Variants in LAMA3 observed in about 807,000 individuals in gnomAD.
LAMA3 encodes the protein laminin subunit alpha 3.
Under a neutral mutation model 402.0 loss-of-function variants are expected in LAMA3, and 281 were observed. The ratio of observed to expected loss-of-function variants is 0.70; its 90% CI spans 0.63 to 0.77. LAMA3 has a LOEUF of 0.77. Ranked by LOEUF, LAMA3 falls within the 30% of genes least tolerant of loss-of-function variation. LAMA3 has a pLI of 0.00. For synonymous variants in LAMA3, 1,431 were observed against 1,558.4 expected, an observed-to-expected ratio of 0.92 and a Z score of 1.93; for missense variants, 3,840 against 4,215.5, an observed-to-expected ratio of 0.91 and a Z score of 2.47.
intron 1 of LAMA3, among the ~76,000 whole-genome samples, chr18:23,713,161 A>C (rs991375696): frequency 1.3e-5 from 2 of 152,204 alleles, no homozygotes; most frequent in Non-Finnish European, 2.9e-5. Flanking sequence ...TACTTACTGA[A>C]TTAATACTGA....
In LAMA3 at chr18:23,836,766, C is replaced by T. The variant is rs7228543; in HGVS notation, c.2985-215C>T. 0.15 allele frequency among the ~76,000 whole-genome samples: 22,634 copies of T among 152,118 alleles called. 3,672 individuals are homozygous for T. The highest frequency in any genetic ancestry group is 0.39 in the African/African-American group (16,168 of 41,442). On this transcript the variant is annotated intron_variant, in intron 24 of 74. Transcript: ENST00000313654. The stretch of plus-strand genomic sequence containing the variant: ...AGAAAAACTGAATGGGGCCTTTAGC[C>T]CTGAGAGGTACAACACTGGCCACGG...
At chr18:23,805,533 A>T (rs999252737) in intron 12 of LAMA3, among the ~76,000 whole-genome samples, 15 of 152,178 alleles carry the variant, frequency 9.9e-5, no homozygotes, top group Admixed American at 9.2e-4. Context: ...GTTGCTGAGG[A>T]TGTATATTCC....
intron 62 of LAMA3, among the ~76,000 whole-genome samples, chr18:23,926,101 T>G (rs1222887629): frequency 6.6e-6 from 1 of 152,224 alleles, no homozygotes; most frequent in Non-Finnish European, 1.5e-5. Context: ...GGTCAGCACA[T>G]GGTCAGTGCT....
intron 39 of LAMA3, among the ~76,000 whole-genome samples, chr18:23,880,087 C>G (rs2064846981): frequency 6.6e-6 from 1 of 152,208 alleles, no homozygotes; most frequent in Admixed American, 6.5e-5. Flanking sequence ...AGAGTCAGGG[C>G]AGCTGAAGAC....
chr18:23,739,703 G>T (rs886243416), intron 2 of LAMA3, among the ~76,000 whole-genome samples: 1 of 152,226 alleles, frequency 6.6e-6, no homozygotes, highest in Admixed American at 6.5e-5. Flanking sequence ...GAGTGTTATG[G>T]AGGGTATGAA....
intron 3 of LAMA3, among the ~76,000 whole-genome samples, chr18:23,749,142 T>G (rs1056962585): frequency 5.3e-5 from 8 of 152,200 alleles, no homozygotes; most frequent in African/African-American, 1.9e-4. Flanking sequence ...ATAAAGGCAT[T>G]GGGTTTTCCA....
At chr18:23,728,936 C>A (rs1165471395) in intron 2 of LAMA3, among the ~76,000 whole-genome samples, 2 of 148,702 alleles carry the variant, frequency 1.3e-5, no homozygotes. Context: ...AAGGCTGAGA[C>A]GGGGTAATCG....
At chr18:23,951,660 T>G in intron 72 of LAMA3, 24 bp from the exon 73 acceptor site, 1 of 1,601,084 alleles carries the variant, frequency 6.2e-7, no homozygotes, top group Non-Finnish European at 8.6e-7. Flanking sequence ...CTGAAGGAAA[T>G]AGGAAAATGC....
At chr18:23,774,326 T>C (rs977603718) in intron 9 of LAMA3, among the ~76,000 whole-genome samples, 2 of 152,238 alleles carry the variant, frequency 1.3e-5, no homozygotes, top group Non-Finnish European at 2.9e-5. Flanking sequence ...ATTTGTTGAG[T>C]ACTTGCCATA....
intron 2 of LAMA3, among the ~76,000 whole-genome samples, chr18:23,719,309 C>A (rs530935830): frequency 2.0e-5 from 3 of 152,246 alleles, no homozygotes; most frequent in South Asian, 4.2e-4. Flanking sequence ...GCCTGGGCAA[C>A]TCAGTGAGAC....
chr18:23,871,473 G>A lies in LAMA3; in HGVS notation c.4810G>A (p.Glu1604Lys). The change falls in exon 38 of 75, where the codon GAG becomes AAG. Residue 1604 changes from glutamate to lysine, a missense_variant. Physicochemically the swap from Glu to Lys is moderately conservative, Grantham distance 56. Around this residue, in one of 3 missense-constraint regions of LAMA3, gnomAD observed 2,109 missense variants for 2,376.0 expected, o/e 0.89. Coordinates refer to ENST00000313654, the MANE Select transcript of LAMA3 (RefSeq NM_198129.4). ...CAGCAGCCGTGCCCCAGTGTCTAGGGAGGAGCTGATGACAGTGCTGTCTAG... is the reference window on the plus strand; with the variant it reads ...CAGCAGCCGTGCCCCAGTGTCTAGGAAGGAGCTGATGACAGTGCTGTCTAG... ...HASSRAPVSR[E>K]ELMTVLSRLA... 6.2e-7 allele frequency: 1 copy of A among 1,614,074 alleles called. No homozygotes were observed. Among genetic ancestry groups the A allele is most frequent in the Non-Finnish European group, 8.5e-7 (1 of 1,180,012 alleles).
At chr18:23,724,610 A>T (rs1331433964) in intron 2 of LAMA3, among the ~76,000 whole-genome samples, 2 of 152,212 alleles carry the variant, frequency 1.3e-5, no homozygotes, top group East Asian at 1.9e-4. Context: ...TTGATTTTTT[A>T]AAAAAGAGCA....
chr18:23,908,585 A>G lies in LAMA3; in HGVS notation c.7016-568A>G, dbSNP rs75082715. Among the ~76,000 whole-genome samples, 676 of 151,708 alleles carry G rather than the reference A, an allele frequency of 4.5e-3. 4 individuals carry two copies. Among genetic ancestry groups the G allele is most frequent in the African/African-American group, 0.016 (646 of 41,440 alleles). ...AAGAAAGAAAAAGAATCAGAAAACAAAGGTTTTTTTTTTTCTTTCTGTAGT... is the reference window on the plus strand; with the variant it reads ...AAGAAAGAAAAAGAATCAGAAAACAGAGGTTTTTTTTTTTCTTTCTGTAGT... On this transcript the variant is annotated intron_variant, in intron 54 of 74. Transcript: ENST00000313654.
chr18:23,933,976 G>A (rs1300986427), intron 67 of LAMA3, 41 bp downstream of exon 67: 29 of 1,601,522 alleles, frequency 1.8e-5, no homozygotes, highest in Non-Finnish European at 2.4e-5. Flanking sequence ...CTCTTCCCTG[G>A]AGGATTCCCC....
At chr18:23,837,580 T>TATCTGTTATTAATCAG (rs957133263) in intron 25 of LAMA3, among the ~76,000 whole-genome samples, 1 of 141,720 alleles carries the variant, frequency 7.1e-6, no homozygotes, top group Non-Finnish European at 1.5e-5. Flanking sequence ...GATATATATA[T>TATCTGTTATTAATCAG]ATATATATAT....
At chr18:23,928,045 AGAGCACAGC>A in intron 62 of LAMA3, 69 bp from the exon 63 acceptor site, 1 of 998,834 alleles carries the variant, frequency 1.0e-6, no homozygotes, top group Non-Finnish European at 1.6e-6. Context: ...AAAGTACTAA[AGAGCACAGC>A]GTTTCAGCTC....
chr18:23,894,178 A>G (rs1284307945), intron 42 of LAMA3, 120 bp from the exon 43 acceptor site: 1 of 787,232 alleles, frequency 1.3e-6, no homozygotes, highest in Non-Finnish European at 2.2e-6. Flanking sequence ...GAAAACCACA[A>G]TTACTTTTGC....
At chr18:23,707,564 C>T (rs559132683) in intron 1 of LAMA3, among the ~76,000 whole-genome samples, 3 of 152,312 alleles carry the variant, frequency 2.0e-5, no homozygotes, top group Admixed American at 2.0e-4. Flanking sequence ...TCATTGGAGA[C>T]TATTTATCAC....
intron 48 of LAMA3, 59 bp from the exon 49 acceptor site, chr18:23,902,950 G>T: frequency 1.1e-6 from 1 of 946,166 alleles, no homozygotes; most frequent in South Asian, 1.3e-5. Context: ...CCATAAATTT[G>T]TCTATGCCTT....
Sources: allele counts gnomAD v4.1 joint callset (sites outside exome capture counted in the v4.1 genomes callset), GRCh38; gene constraint gnomAD v4.1.1; regional missense constraint gnomAD v4.1.1; transcripts MANE v1.5; gene names NCBI Gene and HGNC (gene_info 2026-07-23, HGNC 2026-07-21).